The following RBFOX2 variants were observed in gnomAD, a reference collection of about 807,000 sequenced individuals.
RBFOX2 encodes the protein RNA binding protein fox-1 homolog 2.
A neutral mutation model predicts 49.1 loss-of-function variants in RBFOX2; 10 were observed. That is an observed-to-expected ratio of 0.20 (90% CI 0.13 to 0.35). The LOEUF is 0.35. RBFOX2 is among the 10% of genes least tolerant of loss of function. The pLI, the probability that RBFOX2 is intolerant of heterozygous loss-of-function variation, is 1.00. For missense variants in RBFOX2, 323 were observed against 486.9 expected, an observed-to-expected ratio of 0.66 and a Z score of 3.17; for synonymous variants, 183 against 187.4, an observed-to-expected ratio of 0.98 and a Z score of 0.19.
chr22:36,006,287 A>C (rs955222838), intron 1 of RBFOX2, among the ~76,000 whole-genome samples: 1 of 152,326 alleles, frequency 6.6e-6, no homozygotes, highest in East Asian at 1.9e-4. Context: ...ATTCAAATAT[A>C]ATCAAACAGA....
At chr22:35,821,602 CAAAA>C (rs1158936385) in intron 1 of RBFOX2, among the ~76,000 whole-genome samples, 57 of 36,424 alleles carry the variant, frequency 1.6e-3, no homozygotes, top group South Asian at 0.012. Context: ...ACTCCGTCTC[CAAAA>C]AAAAAAAAAA....
At chr22:35,850,764 C>T (rs973272672) in intron 1 of RBFOX2, among the ~76,000 whole-genome samples, 1 of 152,066 alleles carries the variant, frequency 6.6e-6, no homozygotes, top group African/African-American at 2.4e-5. Context: ...CTTTCAGAGC[C>T]TAAATGGCCC....
intron 1 of RBFOX2, among the ~76,000 whole-genome samples, chr22:36,027,972 T>C (rs1486097753): frequency 2.0e-5 from 3 of 152,058 alleles, no homozygotes; most frequent in Admixed American, 6.5e-5. Flanking sequence ...CATCTCAACC[T>C]TGTTCGATTT....
intron 1 of RBFOX2, among the ~76,000 whole-genome samples, chr22:36,021,776 A>G (rs888419664): frequency 6.6e-6 from 1 of 152,200 alleles, no homozygotes; most frequent in African/African-American, 2.4e-5. Context: ...ATTTGTCCCA[A>G]TCCTGGCTCA....
rs375644120 is a variant in RBFOX2 at position 35,895,014 on chromosome 22, C to T, written c.-34+43833G>A. Among the ~76,000 whole-genome samples, 69 of 151,968 alleles carry T rather than the reference C, an allele frequency of 4.5e-4. 1 individual carries two copies. The highest frequency in any genetic ancestry group is 1.2e-3 in the African/African-American group (50 of 41,502). On this transcript the variant is annotated intron_variant, in intron 1 of 13. Transcript: ENST00000359369. ...AAAAGAAAAGACTGGTCTCCTCCCC[C>T]CTCCGCTCCAGCTGACTGTTCTGTT...
exon 1 of RBFOX2, chr22:35,961,611 C>G: frequency 7.7e-7 from 1 of 1,304,216 alleles, no homozygotes; most frequent in South Asian, 1.2e-5. Context: ...ACATCACTCT[C>G]TCTTCCTTCC....
chr22:35,925,928 T>C (rs2051580465), intron 1 of RBFOX2, among the ~76,000 whole-genome samples: 1 of 152,216 alleles, frequency 6.6e-6, no homozygotes, highest in Admixed American at 6.5e-5. Context: ...TTTCTGGTGG[T>C]ACCAAAGTTT....
At chr22:35,778,048 T>C in exon 4 of RBFOX2, 1 of 1,613,414 alleles carries the variant, frequency 6.2e-7, no homozygotes, top group Non-Finnish European at 8.5e-7. Flanking sequence ...TCATTAAAGA[T>C]TATTTCTACA....
intron 10 of RBFOX2, 96 bp from the exon 13 acceptor site, chr22:35,746,091 G>A: frequency 9.2e-7 from 1 of 1,085,548 alleles, no homozygotes; most frequent in South Asian, 1.4e-5. Context: ...GAGTCACTTG[G>A]TCTTGGATTA....
At chr22:35,839,467 GAA>G (rs1322057125) in intron 1 of RBFOX2, among the ~76,000 whole-genome samples, 2 of 152,130 alleles carry the variant, frequency 1.3e-5, no homozygotes, top group Non-Finnish European at 1.5e-5. Context: ...AGAGAGAAGA[GAA>G]GAGAGAAAAA....
At chr22:35,743,742 C>T (rs571625183) in exon 12 of RBFOX2, 1 of 153,306 alleles carries the variant, frequency 6.5e-6, no homozygotes, top group East Asian at 1.9e-4. Context: ...TATCCTGTTG[C>T]AGAAAGATCT....
At chr22:35,913,477 TTGTGTGTGTGTGTG>T (rs61402464) in intron 1 of RBFOX2, among the ~76,000 whole-genome samples, 1 of 143,420 alleles carries the variant, frequency 7.0e-6, no homozygotes, top group Non-Finnish European at 1.5e-5. Flanking sequence ...GTTATTTCTA[TTGTGTGTGTGTGTG>T]TGTGTGTGTG....
chr22:35,840,623 C>CGTGT (rs1157342118), upstream of RBFOX2: 2 of 1,067,482 alleles, frequency 1.9e-6, no homozygotes, highest in African/African-American at 1.9e-5. Flanking sequence ...CGCGTGTGTG[C>CGTGT]GTGTGTGCGT....
chr22:35,973,238 CTCTT>C (rs568297110), intron 1 of RBFOX2, among the ~76,000 whole-genome samples: 71 of 152,298 alleles, frequency 4.7e-4, no homozygotes, highest in African/African-American at 1.7e-3. Context: ...CTTTTTAGAG[CTCTT>C]TCTCTTATTT....
intron 1 of RBFOX2, among the ~76,000 whole-genome samples, chr22:35,828,420 A>G (rs1052140377): frequency 1.3e-5 from 2 of 152,160 alleles, no homozygotes; most frequent in African/African-American, 4.8e-5. Context: ...TAGACCTAGA[A>G]GTCTGGAGAA....
exon 12 of RBFOX2, chr22:35,741,285 T>C (rs952211342): frequency 2.0e-5 from 3 of 152,252 alleles, no homozygotes; most frequent in African/African-American, 7.2e-5. Context: ...TCATGAACTA[T>C]AGTAAAGCTG....
At chr22:35,985,910 A>G (rs113424761) in intron 1 of RBFOX2, among the ~76,000 whole-genome samples, 1,587 of 33,654 alleles carry the variant, frequency 0.047, 30 homozygotes, top group African/African-American at 0.11. Context: ...ATGGATAGAT[A>G]GATAGATAGA....
intron 1 of RBFOX2, among the ~76,000 whole-genome samples, chr22:35,896,981 A>G (rs112760432): frequency 6.6e-6 from 1 of 152,210 alleles, no homozygotes; most frequent in African/African-American, 2.4e-5. Context: ...CTCTCTAGTT[A>G]CATGGCTCAT....
At chr22:35,803,147 AACACACACACACACAC>A (rs374346895) in intron 2 of RBFOX2, among the ~76,000 whole-genome samples, 2 of 145,758 alleles carry the variant, frequency 1.4e-5, no homozygotes, top group Non-Finnish European at 3.0e-5. Context: ...AATTACTTAA[AACACACACACACACAC>A]ACACACACAC....
Sources: gnomAD v4.1 joint callset for allele counts (sites outside exome capture counted in the v4.1 genomes callset) on GRCh38, gnomAD v4.1.1 for gene constraint, MANE v1.5 for transcripts, NCBI Gene and HGNC (gene_info 2026-07-23, HGNC 2026-07-21) for gene names.